CDK14: variants seen among roughly 807,000 people sequenced by gnomAD.
CDK14 encodes the protein cyclin-dependent kinase 14.
Under a neutral mutation model 60.7 loss-of-function variants are expected in CDK14, and 34 were observed. That is an observed-to-expected ratio of 0.56 (90% CI 0.43 to 0.75). The LOEUF is 0.75. Among genes scored for constraint, CDK14 ranks in the 30% least tolerant of loss-of-function variants. CDK14 has a pLI of 0.00. For synonymous variants in CDK14, 197 were observed against 203.7 expected (o/e 0.97, Z 0.28); for missense variants, 482 against 564.1 (o/e 0.85, Z 1.47).
chr7:91,180,124 G>A (rs1801948638), intron 14 of CDK14, among the ~76,000 whole-genome samples: 1 of 152,158 alleles, frequency 6.6e-6, no homozygotes, highest in African/African-American at 2.4e-5. Flanking sequence ...TCAGTCTTCA[G>A]ATTCCCCTTG....
intron 2 of CDK14, among the ~76,000 whole-genome samples, chr7:90,653,396 C>T (rs1194974827): frequency 1.3e-5 from 2 of 151,958 alleles, no homozygotes; most frequent in Non-Finnish European, 2.9e-5. Flanking sequence ...ATTCCCCTAG[C>T]TCTTCTCCAT....
chr7:91,057,620 A>G (rs1036072537), intron 11 of CDK14, among the ~76,000 whole-genome samples: 1 of 152,268 alleles, frequency 6.6e-6, no homozygotes, highest in Non-Finnish European at 1.5e-5. Context: ...AGCTTTCTAC[A>G]TATGGCTAGC....
At chr7:90,769,127 A>G (rs1804683366) in intron 4 of CDK14, among the ~76,000 whole-genome samples, 1 of 152,208 alleles carries the variant, frequency 6.6e-6, no homozygotes, top group Non-Finnish European at 1.5e-5. Flanking sequence ...TCTTTTTATA[A>G]GCTAATATAT....
At chr7:91,096,332 A>C (rs747566217) in intron 12 of CDK14, among the ~76,000 whole-genome samples, 1 of 152,152 alleles carries the variant, frequency 6.6e-6, no homozygotes, top group African/African-American at 2.4e-5. Flanking sequence ...CCAACATGTC[A>C]TGTGCCCAGC....
At chr7:91,007,142 C>T (rs1796001219) in intron 10 of CDK14, among the ~76,000 whole-genome samples, 1 of 152,138 alleles carries the variant, frequency 6.6e-6, no homozygotes. Context: ...AGTCTACACT[C>T]CCATCAGCAG....
chr7:90,984,345 G>A (rs1299682731), intron 10 of CDK14, 104 bp downstream of exon 10: 3 of 762,462 alleles, frequency 3.9e-6, no homozygotes, highest in African/African-American at 1.7e-5. Flanking sequence ...AACAAAATTT[G>A]TTGTCACATT....
intron 6 of CDK14, among the ~76,000 whole-genome samples, chr7:90,884,607 A>G (rs1791881092): frequency 1.3e-5 from 2 of 152,176 alleles, no homozygotes; most frequent in Admixed American, 6.6e-5. Flanking sequence ...TATGGAATCA[A>G]AGAACACCCG....
At chr7:90,873,707 T>G (rs1197947580) in intron 6 of CDK14, among the ~76,000 whole-genome samples, 1 of 152,232 alleles carries the variant, frequency 6.6e-6, no homozygotes, top group Non-Finnish European at 1.5e-5. Flanking sequence ...TTTCCACTTT[T>G]TTAGCTGATT....
At chr7:90,890,158 A>C (rs1384920431) in intron 6 of CDK14, among the ~76,000 whole-genome samples, 2 of 152,358 alleles carry the variant, frequency 1.3e-5, no homozygotes, top group Middle Eastern at 6.8e-3. Flanking sequence ...GGATCACCTA[A>C]GACCAAGAGT....
intron 10 of CDK14, among the ~76,000 whole-genome samples, chr7:91,045,301 A>T (rs1797201669): frequency 6.6e-6 from 1 of 152,196 alleles, no homozygotes; most frequent in Non-Finnish European, 1.5e-5. Context: ...AGAAAAATAG[A>T]TGGAGAAAGA....
At chr7:90,765,229 A>G (rs1451272036) in intron 4 of CDK14, among the ~76,000 whole-genome samples, 1 of 152,240 alleles carries the variant, frequency 6.6e-6, no homozygotes, top group Non-Finnish European at 1.5e-5. Context: ...TAGGTTAAAC[A>G]GTGACTTTTT....
At chr7:91,113,015 T>A (rs1469093864) in intron 13 of CDK14, among the ~76,000 whole-genome samples, 3 of 152,192 alleles carry the variant, frequency 2.0e-5, no homozygotes, top group African/African-American at 4.8e-5. Context: ...ATCTTTGTAT[T>A]TGATTATGTG....
Position 90,994,653 on chromosome 7 carries a change from C to G in CDK14, c.1041+10412C>G, listed in dbSNP as rs1355468759. On this transcript the variant is annotated intron_variant, in intron 10 of 14. Coordinates refer to ENST00000380050, the MANE Select transcript of CDK14 (RefSeq NM_001287135.2). ...CTGAATTTTTTGTTTTTCCCATACT[C>G]CTTATAGCCATTATATTACTGCTTC... 2.6e-5 allele frequency among the ~76,000 whole-genome samples: 4 copies of G among 152,162 alleles called. No homozygotes were observed. In the East Asian group the frequency reaches 7.7e-4, roughly 29 times the overall value.
At chr7:90,961,706 C>T (rs1039035621) in intron 9 of CDK14, among the ~76,000 whole-genome samples, 5 of 152,134 alleles carry the variant, frequency 3.3e-5, no homozygotes, top group Non-Finnish European at 5.9e-5. Context: ...GTGTAGCCAA[C>T]GAAATGCAAT....
At chr7:90,615,299 A>T (rs2116353630) in intron 2 of CDK14, among the ~76,000 whole-genome samples, 1 of 152,336 alleles carries the variant, frequency 6.6e-6, no homozygotes, top group South Asian at 2.1e-4. Context: ...TTTAAAAGAC[A>T]TTTGGAATTG....
chr7:91,149,168 A>C (rs1410595773), intron 14 of CDK14, among the ~76,000 whole-genome samples: 1 of 152,152 alleles, frequency 6.6e-6, no homozygotes, highest in Admixed American at 6.5e-5. Flanking sequence ...AACAGATATG[A>C]GATGTTATTT....
In CDK14 at chr7:90,955,985, A is replaced by G. The variant is rs546215145; in HGVS notation, c.947+168A>G. Among the ~76,000 whole-genome samples, 3 of 152,282 alleles carry G rather than the reference A, an allele frequency of 2.0e-5. No individual in the cohort carries two copies. In the South Asian group the frequency reaches 6.2e-4, roughly 32 times the overall value. On this transcript the variant is annotated intron_variant, in intron 9 of 14. Coordinates refer to ENST00000380050, the MANE Select transcript of CDK14 (RefSeq NM_001287135.2). ...AAAACATGATTGGGAATGTTCTCTA[A>G]TTAGAGTCTCCTTTGCAGATGCTGT...
At chr7:90,944,576 T>A (rs987937540) in intron 8 of CDK14, among the ~76,000 whole-genome samples, 3 of 152,240 alleles carry the variant, frequency 2.0e-5, no homozygotes, top group African/African-American at 7.2e-5. Flanking sequence ...CTACAAAAAA[T>A]TTAAAAATTA....
chr7:90,734,889 G>A (rs1803025324), intron 3 of CDK14, among the ~76,000 whole-genome samples: 1 of 152,116 alleles, frequency 6.6e-6, no homozygotes, highest in Admixed American at 6.6e-5. Flanking sequence ...GAGAGAAGAG[G>A]TGTTCTGGTT....
Sources: allele counts gnomAD v4.1 joint callset (sites outside exome capture counted in the v4.1 genomes callset), GRCh38; gene constraint gnomAD v4.1.1; transcripts MANE v1.5; gene names NCBI Gene and HGNC (gene_info 2026-07-23, HGNC 2026-07-21).